ZNF704: variants seen among roughly 807,000 people sequenced by gnomAD.
ZNF704 encodes the protein glucocorticoid induced gene 1.
In ZNF704, 10 loss-of-function variants were observed where a neutral mutation model predicts 44.7. The observed-to-expected ratio is 0.22, with a 90% CI of 0.14 to 0.38. ZNF704 has a LOEUF of 0.38. ZNF704 is among the 10% of genes least tolerant of loss of function. The pLI is 1.00. For synonymous variants in ZNF704, 211 were observed against 207.6 expected, an observed-to-expected ratio of 1.02 and a Z score of -0.14; for missense variants, 390 against 545.5, an observed-to-expected ratio of 0.71 and a Z score of 2.84.
intron 2 of ZNF704, among the ~76,000 whole-genome samples, chr8:80,809,613 C>T (rs1429839956): frequency 6.6e-6 from 1 of 152,078 alleles, no homozygotes; most frequent in Non-Finnish European, 1.5e-5. Context: ...TTGAGAAATG[C>T]CAGTGTATGA....
intron 2 of ZNF704, among the ~76,000 whole-genome samples, chr8:80,818,211 G>A (rs1808208561): frequency 6.6e-6 from 1 of 152,132 alleles, no homozygotes; most frequent in African/African-American, 2.4e-5. Context: ...TAGCTTTAAT[G>A]AGAATAAGCA....
intron 1 of ZNF704, among the ~76,000 whole-genome samples, chr8:80,826,775 C>T (rs528748450): frequency 3.3e-5 from 5 of 152,160 alleles, no homozygotes; most frequent in South Asian, 2.1e-4. Flanking sequence ...TCAACATACA[C>T]AAATCAATAA....
At chr8:80,782,870 T>G (rs1807553381) in intron 2 of ZNF704, among the ~76,000 whole-genome samples, 1 of 151,956 alleles carries the variant, frequency 6.6e-6, no homozygotes, top group Non-Finnish European at 1.5e-5. Flanking sequence ...CCGTGAATAC[T>G]GTATTTTTGA....
chr8:80,801,283 T>C (rs1045174874), intron 2 of ZNF704, among the ~76,000 whole-genome samples: 4 of 152,124 alleles, frequency 2.6e-5, no homozygotes, highest in African/African-American at 9.7e-5. Context: ...AACAAAGATA[T>C]TCAGGACTTG....
At chr8:80,705,059 AC>A (rs1257623063) in intron 2 of ZNF704, among the ~76,000 whole-genome samples, 23 of 151,686 alleles carry the variant, frequency 1.5e-4, no homozygotes, top group Non-Finnish European at 1.5e-4. Flanking sequence ...ATTGGAGGAC[AC>A]CCCCCTGCAG....
intron 1 of ZNF704, among the ~76,000 whole-genome samples, chr8:80,839,608 G>A (rs1050671940): frequency 2.0e-5 from 3 of 152,188 alleles, no homozygotes; most frequent in Admixed American, 1.3e-4. Flanking sequence ...GGTCTTACTG[G>A]TATATAAGAG....
In ZNF704 at chr8:80,749,191, G is replaced by A. The variant is rs560419116; in HGVS notation, c.222-56084C>T. ...GAGCCCTTTATTTACTCTTTTATTC[G>A]TAGAGATGGGGTCTCACTATGTTGA... is the stretch of plus-strand genomic sequence containing the variant. On this transcript the variant is annotated intron_variant, in intron 2 of 8. Coordinates refer to ENST00000327835, the MANE Select transcript of ZNF704 (RefSeq NM_001033723.3). 1.2e-4 allele frequency among the ~76,000 whole-genome samples: 18 copies of A among 152,120 alleles called. No homozygotes were observed. In the East Asian group the frequency reaches 1.5e-3, roughly 13 times the overall value.
intron 2 of ZNF704, among the ~76,000 whole-genome samples, chr8:80,770,144 C>G (rs559905506): frequency 6.6e-6 from 1 of 152,182 alleles, no homozygotes; most frequent in Non-Finnish European, 1.5e-5. Flanking sequence ...GTCCCTCCCA[C>G]AACACGTGGG....
chr8:80,784,486 T>C (rs900317306), intron 2 of ZNF704, among the ~76,000 whole-genome samples: 1 of 152,222 alleles, frequency 6.6e-6, no homozygotes, highest in Admixed American at 6.5e-5. Flanking sequence ...GATTTCTTGT[T>C]TCAATTTGCA....
chr8:80,664,905 A>G lies in ZNF704; in HGVS notation c.837T>C (p.Pro279=). The G allele has an allele frequency of 1.2e-6, 2 of 1,614,176 alleles. No individual in the cohort carries two copies. The highest frequency in any genetic ancestry group is 2.7e-5 in the African/African-American group (2 of 75,026). Residue 279 remains proline, a synonymous_variant, in exon 6 of 9, where the codon CCT becomes CCC. Transcript: ENST00000327835. Reference sequence around the variant, plus strand: ...TCAACTTAGTCTCCGTTTTGGCACAAGGAGTTTCTGTTCGGCTTGAATCTG... The same window carrying G: ...TCAACTTAGTCTCCGTTTTGGCACAGGGAGTTTCTGTTCGGCTTGAATCTG... ...PIPDSSRTET[P]CAKTETKLMT... is the part of the protein sequence containing the mutation.
intron 2 of ZNF704, among the ~76,000 whole-genome samples, chr8:80,796,844 AAAAG>A (rs1807809240): frequency 6.7e-6 from 1 of 148,830 alleles, no homozygotes. Flanking sequence ...AAGAAAAGAA[AAAAG>A]AAAGAAAAGA....
chr8:80,841,194 C>T (rs1281883724), intron 1 of ZNF704, among the ~76,000 whole-genome samples: 3 of 152,236 alleles, frequency 2.0e-5, no homozygotes, highest in Non-Finnish European at 2.9e-5. Flanking sequence ...CACATGGCAA[C>T]GACCTCACTG....
At chr8:80,704,920 C>G (rs1417952664) in intron 2 of ZNF704, among the ~76,000 whole-genome samples, 1 of 152,078 alleles carries the variant, frequency 6.6e-6, no homozygotes, top group African/African-American at 2.4e-5. Context: ...CCTGGGAACC[C>G]TGATTTATAG....
At chr8:80,880,601 G>A in the ZNF704 span, among the ~76,000 whole-genome samples, 3 of 152,042 alleles carry the variant, frequency 2.0e-5, no homozygotes, top group Non-Finnish European at 4.4e-5. Flanking sequence ...GCACATGGTG[G>A]TATATAACTT....
At chr8:80,721,457 T>G (rs150978341) in intron 2 of ZNF704, among the ~76,000 whole-genome samples, 25 of 152,308 alleles carry the variant, frequency 1.6e-4, no homozygotes, top group African/African-American at 5.8e-4. Context: ...TCACAAGAGT[T>G]TAATTAAAAT....
chr8:80,873,201 G>A (rs753643652), intron 1 of ZNF704, among the ~76,000 whole-genome samples: 164 of 152,096 alleles, frequency 1.1e-3, no homozygotes, highest in Non-Finnish European at 1.9e-3. Flanking sequence ...CGTCCCCACC[G>A]GGCACGAACC....
chr8:80,750,049 T>C (rs1806914601), intron 2 of ZNF704, among the ~76,000 whole-genome samples: 1 of 152,156 alleles, frequency 6.6e-6, no homozygotes, highest in Admixed American at 6.5e-5. Context: ...TCTAGTTAAC[T>C]ATCCCTTAGG....
At position 80,664,980 on chromosome 8, in the gene ZNF704, G is replaced by A. The variant is rs753313495; in HGVS notation, c.762C>T (p.Ala254=). ...CCAGGGACTGGGAAGGTGAGACCGGGGCCAGGCTGCTCAGCCCGTCTGCCA... is the reference window on the plus strand; with the variant it reads ...CCAGGGACTGGGAAGGTGAGACCGGAGCCAGGCTGCTCAGCCCGTCTGCCA... ...DSVADGLSSL[A]PVSPSQSLAS... Residue 254 remains alanine, a synonymous_variant, in exon 6 of 9, where the codon GCC becomes GCT. Transcript: ENST00000327835. The A allele has an allele frequency of 5.0e-6, 8 of 1,614,186 alleles. No homozygotes were observed. Among genetic ancestry groups the A allele is most frequent in the Non-Finnish European group, 6.8e-6 (8 of 1,180,028 alleles).
chr8:80,864,548 T>C (rs777023936), intron 1 of ZNF704, among the ~76,000 whole-genome samples: 1 of 152,248 alleles, frequency 6.6e-6, no homozygotes, highest in Non-Finnish European at 1.5e-5. Context: ...ATCTCTACTT[T>C]TAAGTGGAAT....
Sources: allele counts gnomAD v4.1 joint callset (sites outside exome capture counted in the v4.1 genomes callset), GRCh38; gene constraint gnomAD v4.1.1; transcripts MANE v1.5; gene names NCBI Gene and HGNC (gene_info 2026-07-23, HGNC 2026-07-21).